Variants in LARGE1 observed in about 807,000 individuals in gnomAD.
LARGE1 encodes LARGE xylosyl- and glucuronyltransferase 1.
LARGE1 carries 43 observed loss-of-function variants against 87.6 expected under a neutral mutation model. The observed-to-expected ratio is 0.49, with a 90% confidence interval of 0.38 to 0.63. LARGE1 has a LOEUF of 0.63. Ranked by LOEUF, LARGE1 falls within the 30% of genes least tolerant of loss-of-function variation. The pLI is 0.00. For missense variants in LARGE1, 802 were observed against 1,000.2 expected, an observed-to-expected ratio of 0.80 and a Z score of 2.67; for synonymous variants, 434 against 394.6, an observed-to-expected ratio of 1.10 and a Z score of -1.18.
At chr22:33,496,663 T>G (rs1007878328) in intron 6 of LARGE1, among the ~76,000 whole-genome samples, 1 of 152,248 alleles carries the variant, frequency 6.6e-6, no homozygotes, top group African/African-American at 2.4e-5. Flanking sequence ...GAAACACTCT[T>G]CTTTTCCGGC....
At chr22:33,383,986 C>A (rs571743114) in intron 8 of LARGE1, among the ~76,000 whole-genome samples, 1 of 152,168 alleles carries the variant, frequency 6.6e-6, no homozygotes, top group South Asian at 2.1e-4. Flanking sequence ...TGAAAGTCTG[C>A]CGAATGAACA....
chr22:33,893,535 C>A (rs1313275114), intron 1 of LARGE1, among the ~76,000 whole-genome samples: 1 of 152,174 alleles, frequency 6.6e-6, no homozygotes, highest in Non-Finnish European at 1.5e-5. Flanking sequence ...AAAAACAGAG[C>A]AGGGTAAAGA....
chr22:33,626,375 C>T (rs757583945), intron 3 of LARGE1, 49 bp from the exon 4 acceptor site: 1 of 1,459,332 alleles, frequency 6.9e-7, no homozygotes, highest in South Asian at 1.1e-5. Context: ...CGGAAGGAGG[C>T]CTTCCTGGTG....
At chr22:33,319,882 A>AAGG (rs1397555283) in intron 10 of LARGE1, among the ~76,000 whole-genome samples, 2 of 152,198 alleles carry the variant, frequency 1.3e-5, no homozygotes, top group African/African-American at 4.8e-5. Flanking sequence ...CAGCCCTGTG[A>AAGG]TGCTCCAAAT....
intron 11 of LARGE1, among the ~76,000 whole-genome samples, chr22:33,253,772 G>A (rs1346002752): frequency 1.3e-5 from 2 of 152,132 alleles, no homozygotes; most frequent in African/African-American, 2.4e-5. Context: ...GCTGCACCTC[G>A]GAGGGGAAGG....
At chr22:33,730,479 T>A (rs770564910) in intron 2 of LARGE1, among the ~76,000 whole-genome samples, 2 of 152,214 alleles carry the variant, frequency 1.3e-5, no homozygotes, top group Non-Finnish European at 2.9e-5. Context: ...TCTATACACC[T>A]ACTATGTATC....
At chr22:33,666,479 T>C (rs1956672972) in intron 2 of LARGE1, among the ~76,000 whole-genome samples, 1 of 152,206 alleles carries the variant, frequency 6.6e-6, no homozygotes, top group Admixed American at 6.5e-5. Context: ...GAGGCCATTA[T>C]TTCTAGAGCT....
At chr22:33,223,487 G>A (rs1055931112) in intron 11 of LARGE1, among the ~76,000 whole-genome samples, 2 of 152,154 alleles carry the variant, frequency 1.3e-5, no homozygotes, top group East Asian at 1.9e-4. Flanking sequence ...GCCTGGAATC[G>A]CCACAATTCA....
At chr22:33,478,061 G>A (rs142846078) in intron 6 of LARGE1, among the ~76,000 whole-genome samples, 2 of 152,258 alleles carry the variant, frequency 1.3e-5, no homozygotes, top group East Asian at 3.9e-4. Flanking sequence ...CGCATAGGTT[G>A]ATTAAGCTCT....
At chr22:33,382,314 T>C (rs1003402753) in intron 8 of LARGE1, among the ~76,000 whole-genome samples, 1 of 152,134 alleles carries the variant, frequency 6.6e-6, no homozygotes, top group South Asian at 2.1e-4. Flanking sequence ...TGAGCTCACA[T>C]GTGCAGACAT....
chr22:33,333,658 G>C (rs1938036345), intron 10 of LARGE1, among the ~76,000 whole-genome samples: 1 of 152,120 alleles, frequency 6.6e-6, no homozygotes, highest in South Asian at 2.1e-4. Flanking sequence ...ATATTTATTA[G>C]GTGCTTATTA....
chr22:33,214,202 G>A lies in LARGE1; in HGVS notation c.1731-47370C>T, dbSNP rs1039014948. ...TGGAGGCTACAAGTCCAAGATCAAG[G>A]TGTTTACATGGTTCCTTTCTTCTGG... is the stretch of plus-strand genomic sequence containing the variant. On this transcript the variant is annotated intron_variant, in intron 11 of 11. Transcript: ENST00000608642. Among the ~76,000 whole-genome samples, 4 of 152,200 alleles carry A rather than the reference G, an allele frequency of 2.6e-5. 1 individual carries two copies. Among genetic ancestry groups the A allele is most frequent in the Admixed American group, 2.6e-4 (4 of 15,288 alleles).
At chr22:33,626,881 T>C (rs2079938732) in intron 3 of LARGE1, among the ~76,000 whole-genome samples, 1 of 152,194 alleles carries the variant, frequency 6.6e-6, no homozygotes, top group Non-Finnish European at 1.5e-5. Context: ...TCATCTCAAC[T>C]AAGTAGCCAG....
At chr22:33,268,123 T>C (rs1452451026), downstream of LARGE1, among the ~76,000 whole-genome samples, 1 of 151,318 alleles carries the variant, frequency 6.6e-6, no homozygotes, top group Non-Finnish European at 1.5e-5. Flanking sequence ...CCGGCTATTT[T>C]TTGTATTTTT....
At chr22:33,572,763 G>A (rs2078243667) in intron 5 of LARGE1, among the ~76,000 whole-genome samples, 1 of 152,116 alleles carries the variant, frequency 6.6e-6, no homozygotes. Context: ...CCAGCTACTT[G>A]GGAGACTGAG....
chr22:33,088,569 G>T, the LARGE1 span, among the ~76,000 whole-genome samples: 5 of 152,288 alleles, frequency 3.3e-5, no homozygotes, highest in Middle Eastern at 3.4e-3. Context: ...TTGCTATGTT[G>T]TCAGGGAGGC....
chr22:33,276,539 T>C (rs1410810995), intron 14 of LARGE1, among the ~76,000 whole-genome samples: 3 of 152,252 alleles, frequency 2.0e-5, no homozygotes, highest in African/African-American at 7.2e-5. Context: ...AGAAGATTCA[T>C]ACTTTGAAGT....
At chr22:33,699,320 T>A (rs1022126667) in intron 2 of LARGE1, among the ~76,000 whole-genome samples, 1 of 152,162 alleles carries the variant, frequency 6.6e-6, no homozygotes, top group Non-Finnish European at 1.5e-5. Context: ...CAGGCTTCAG[T>A]GAAAATCCCG....
intron 1 of LARGE1, among the ~76,000 whole-genome samples, chr22:33,905,975 C>T (rs2065435982): frequency 4.6e-5 from 7 of 151,922 alleles, no homozygotes; most frequent in Admixed American, 4.6e-4. Context: ...ACTAAAAATA[C>T]AAAAATTAGC....
Sources: gnomAD v4.1 joint callset for allele counts (sites outside exome capture counted in the v4.1 genomes callset) on GRCh38, gnomAD v4.1.1 for gene constraint, MANE v1.5 for transcripts, NCBI Gene and HGNC (gene_info 2026-07-23, HGNC 2026-07-21) for gene names.